The following CHST11 variants were observed in gnomAD, a reference collection of about 807,000 sequenced individuals.
CHST11 encodes the protein C4S-1.
Under a neutral mutation model 30.4 loss-of-function variants are expected in CHST11, and 9 were observed. The ratio of observed to expected loss-of-function variants is 0.30; its 90% CI spans 0.18 to 0.52. The LOEUF (loss-of-function observed/expected upper bound fraction) is 0.52. Among genes scored for constraint, CHST11 ranks in the 20% least tolerant of loss-of-function variants. CHST11 has a pLI of 0.97. For synonymous variants in CHST11, 152 were observed against 187.8 expected (o/e 0.81, Z 1.56); for missense variants, 348 against 460.6 (o/e 0.76, Z 2.24).
chr12:104,641,041 C>T (rs1447349868), intron 2 of CHST11, among the ~76,000 whole-genome samples: 1 of 152,182 alleles, frequency 6.6e-6, no homozygotes, highest in Admixed American at 6.5e-5. Flanking sequence ...AGCAGCTTGA[C>T]TTCAGAGGGA....
intron 2 of CHST11, among the ~76,000 whole-genome samples, chr12:104,642,636 G>A (rs772101743): frequency 6.6e-6 from 1 of 152,024 alleles, no homozygotes; most frequent in Non-Finnish European, 1.5e-5. Context: ...CTGGGCCCAA[G>A]CGATCCTCCT....
At chr12:104,503,456 G>A in intron 1 of CHST11, among the ~76,000 whole-genome samples, 1 of 152,204 alleles carries the variant, frequency 6.6e-6, no homozygotes, top group East Asian at 1.9e-4. Flanking sequence ...GCACGTTGGG[G>A]CTGGCATTTA....
intron 1 of CHST11, among the ~76,000 whole-genome samples, chr12:104,459,082 G>A (rs1172710071): frequency 6.6e-6 from 1 of 152,236 alleles, no homozygotes; most frequent in Non-Finnish European, 1.5e-5. Flanking sequence ...AGCCAGCCCT[G>A]TTAAAGATGG....
At chr12:104,615,283 T>G (rs2039098677) in intron 2 of CHST11, among the ~76,000 whole-genome samples, 1 of 152,228 alleles carries the variant, frequency 6.6e-6, no homozygotes, top group Non-Finnish European at 1.5e-5. Flanking sequence ...TTTTGAGTAT[T>G]GGAGAAATCG....
rs945965013 is a variant in CHST11 at position 104,631,849 on chromosome 12, C to T, written c.204+29858C>T. On this transcript the variant is annotated intron_variant, in intron 2 of 2. Transcript: ENST00000303694. ...AGGGTCGGAGCCACGGCACAGGTTG[C>T]ACAACTACGAAGCTGGGCCTCCCTG... Among the ~76,000 whole-genome samples the T allele has an allele frequency of 3.9e-5, 6 of 152,338 alleles. No individual in the cohort carries two copies. The East Asian group carries it at 5.8e-4, about 15-fold the overall frequency.
At chr12:104,484,582 C>A (rs2037658247) in intron 1 of CHST11, among the ~76,000 whole-genome samples, 1 of 152,158 alleles carries the variant, frequency 6.6e-6, no homozygotes, top group South Asian at 2.1e-4. Flanking sequence ...ATGGTGAGGT[C>A]TACATTTAAT....
intron 1 of CHST11, among the ~76,000 whole-genome samples, chr12:104,524,795 C>T (rs1279871464): frequency 3.3e-5 from 5 of 152,210 alleles, no homozygotes; most frequent in Non-Finnish European, 7.3e-5. Context: ...CTCAAGGAGC[C>T]TACAGTCTGC....
At chr12:104,527,697 A>T (rs941697848) in intron 1 of CHST11, among the ~76,000 whole-genome samples, 7 of 152,380 alleles carry the variant, frequency 4.6e-5, no homozygotes, top group Non-Finnish European at 8.8e-5. Context: ...TGCCCAACTT[A>T]GTGCTCTATT....
intron 2 of CHST11, among the ~76,000 whole-genome samples, chr12:104,627,528 A>G (rs1394871075): frequency 6.6e-6 from 1 of 152,200 alleles, no homozygotes; most frequent in African/African-American, 2.4e-5. Flanking sequence ...TGGGGCACCA[A>G]ACCGCAATCA....
chr12:104,612,081 G>A (rs1173782270), intron 2 of CHST11, among the ~76,000 whole-genome samples: 4 of 152,222 alleles, frequency 2.6e-5, no homozygotes, highest in Admixed American at 6.5e-5. Flanking sequence ...TGTGCGGCAC[G>A]CAGCAAATAC....
At chr12:104,595,971 C>A (rs1037569636) in intron 1 of CHST11, among the ~76,000 whole-genome samples, 1 of 152,198 alleles carries the variant, frequency 6.6e-6, no homozygotes, top group Non-Finnish European at 1.5e-5. Context: ...TGGGGATCTC[C>A]TTGGACCAGG....
At chr12:104,527,701 C>T (rs2038141169) in intron 1 of CHST11, among the ~76,000 whole-genome samples, 1 of 152,180 alleles carries the variant, frequency 6.6e-6, no homozygotes, top group Admixed American at 6.5e-5. Flanking sequence ...CAACTTAGTG[C>T]TCTATTAGAA....
chr12:104,556,232 C>T (rs1233308106), intron 1 of CHST11, among the ~76,000 whole-genome samples: 1 of 152,122 alleles, frequency 6.6e-6, no homozygotes, highest in African/African-American at 2.4e-5. Context: ...CCCCATTTTA[C>T]AGAGGAGAAA....
chr12:104,708,057 G>A (rs1206146795), intron 2 of CHST11, among the ~76,000 whole-genome samples: 1 of 152,216 alleles, frequency 6.6e-6, no homozygotes, highest in Non-Finnish European at 1.5e-5. Context: ...TCCTTATTCT[G>A]TTCCATGCAC....
intron 1 of CHST11, among the ~76,000 whole-genome samples, chr12:104,586,020 C>T (rs1032569796): frequency 2.0e-5 from 3 of 152,168 alleles, no homozygotes; most frequent in Admixed American, 2.0e-4. Flanking sequence ...ACTCTATTTC[C>T]GGAGGTCACC....
intron 2 of CHST11, among the ~76,000 whole-genome samples, chr12:104,609,872 C>T (rs1405127912): frequency 1.3e-5 from 2 of 152,194 alleles, no homozygotes; most frequent in Non-Finnish European, 2.9e-5. Flanking sequence ...TTTGCACATG[C>T]ACATTTGGAA....
At chr12:104,743,534 T>C (rs2040365173) in intron 2 of CHST11, among the ~76,000 whole-genome samples, 2 of 152,234 alleles carry the variant, frequency 1.3e-5, no homozygotes, top group South Asian at 4.1e-4. Context: ...CTCACACCAC[T>C]AAAATGATTG....
At chr12:104,488,445 A>ATGTG (rs1178493388) in intron 1 of CHST11, among the ~76,000 whole-genome samples, 1 of 141,460 alleles carries the variant, frequency 7.1e-6, no homozygotes, top group African/African-American at 2.7e-5. Context: ...GCATGTATGT[A>ATGTG]TGTGTGTATA....
Position 104,457,541 on chromosome 12 carries a change from G to A in CHST11, c.118+12G>A, listed in dbSNP as rs1239420047. The A allele has an allele frequency of 6.4e-7, 1 of 1,566,884 alleles. No individual in the cohort carries two copies. The highest frequency in any genetic ancestry group is 8.8e-7 in the Non-Finnish European group (1 of 1,137,098). On this transcript the variant is annotated intron_variant, in intron 1 of 2. Transcript: ENST00000303694. ...TATGTTGCACCCAGGTAGGGGGCGC[G>A]TTAGCGTGGTTTTGTTGGATATTTT...
Sources: gnomAD v4.1 joint callset for allele counts (sites outside exome capture counted in the v4.1 genomes callset) on GRCh38, gnomAD v4.1.1 for gene constraint, MANE v1.5 for transcripts, NCBI Gene and HGNC (gene_info 2026-07-23, HGNC 2026-07-21) for gene names.